Variants in LAMA2 observed in about 807,000 individuals in gnomAD.
LAMA2 encodes the protein laminin subunit alpha 2.
In LAMA2, 269 loss-of-function variants were observed where a neutral mutation model predicts 364.8. The ratio of observed to expected loss-of-function variants is 0.74; its 90% CI spans 0.67 to 0.82. The LOEUF (loss-of-function observed/expected upper bound fraction) is 0.82. LAMA2 is among the 40% of genes least tolerant of loss of function. The pLI is 0.00. For synonymous variants in LAMA2, 1,379 were observed against 1,370.6 expected (o/e 1.01, Z -0.14); for missense variants, 3,807 against 3,873.2 (o/e 0.98, Z 0.45).
chr6:129,345,041 G>A (rs1776467671), intron 30 of LAMA2, among the ~76,000 whole-genome samples: 1 of 152,152 alleles, frequency 6.6e-6, no homozygotes, highest in Admixed American at 6.5e-5. Flanking sequence ...TAGAAATGCT[G>A]GCTTGGCAGA....
intron 1 of LAMA2, among the ~76,000 whole-genome samples, chr6:128,922,508 TTTGA>T (rs1373403712): frequency 6.6e-6 from 1 of 151,404 alleles, no homozygotes; most frequent in South Asian, 2.1e-4. Context: ...AATGTCTTCT[TTTGA>T]GAAGTGTCTG....
rs3816665 is a variant in LAMA2, at chr6:129,250,185, G to A, written c.1856G>A (p.Arg619His). The A allele has an allele frequency of 0.16, 255,707 of 1,595,278 alleles. 27,206 individuals are homozygous for A. The highest frequency in any genetic ancestry group is 0.54 in the African/African-American group (39,965 of 74,144). The change falls in exon 13 of 65, where the codon CGT becomes CAT. Residue 619 changes from arginine (R) to histidine (H), a missense_variant. Physicochemically the swap from Arg to His is conservative, Grantham distance 29. Transcript: ENST00000421865. ...DLEEEEEDTE[R>H]VLQLMIILEG... ...GAAGAAGAGGAAGAAGATACAGAAC[G>A]TGTTCTCCAGCTTATGATTATCTTA...
chr6:129,473,173 A>G lies in LAMA2; in HGVS notation c.7301-41A>G, dbSNP rs776182977. On this transcript the variant is annotated intron_variant, in intron 51 of 64. Coordinates refer to ENST00000421865, the MANE Select transcript of LAMA2 (RefSeq NM_000426.4). ...TAATGATGATATAGATGTGGTTGAT[A>G]TTGCTCAAATAAAATGTTAAACTTT... 9.4e-6 allele frequency: 14 copies of G among 1,485,128 alleles called. No homozygotes were observed. The African/African-American group carries it at 9.7e-5, about 10-fold the overall frequency. 92.0% of individuals were successfully genotyped at this position (1,485,128 alleles called of 1,614,324 possible).
chr6:129,039,916 G>T (rs943968330), intron 1 of LAMA2, among the ~76,000 whole-genome samples: 2 of 152,182 alleles, frequency 1.3e-5, no homozygotes, highest in Non-Finnish European at 2.9e-5. Flanking sequence ...GGCTGGTACT[G>T]GTCTGCAGCC....
At chr6:128,901,620 G>T (rs1290893183) in intron 1 of LAMA2, among the ~76,000 whole-genome samples, 1 of 152,178 alleles carries the variant, frequency 6.6e-6, no homozygotes, top group Non-Finnish European at 1.5e-5. Flanking sequence ...AAGACCATCA[G>T]ATAGTATTTG....
chr6:129,130,902 C>G (rs1483746649), intron 4 of LAMA2, among the ~76,000 whole-genome samples: 1 of 152,180 alleles, frequency 6.6e-6, no homozygotes, highest in Non-Finnish European at 1.5e-5. Context: ...TGCCATCTCT[C>G]ATTGTGAGCC....
In LAMA2 at chr6:129,461,859, G is replaced by T. The variant is rs562179930; in HGVS notation, c.6992+1535G>T. Among the ~76,000 whole-genome samples the T allele has an allele frequency of 8.5e-5, 13 of 152,064 alleles. 1 individual carries two copies. Among genetic ancestry groups the T allele is most frequent in the Middle Eastern group, 3.4e-3 (1 of 294 alleles). On this transcript the variant is annotated intron_variant, in intron 49 of 64. Transcript: ENST00000421865. ...ATGAATACAGCCTAGTCCTAGCCAT[G>T]AAAAGACATCACCAGGAAGGGAGGA...
At chr6:129,062,713 T>C (rs1789011993) in intron 3 of LAMA2, among the ~76,000 whole-genome samples, 1 of 152,146 alleles carries the variant, frequency 6.6e-6, no homozygotes, top group African/African-American at 2.4e-5. Flanking sequence ...TAGGTAAATA[T>C]CACTAAATGT....
chr6:129,272,101 G>A (rs1787978791), intron 17 of LAMA2, among the ~76,000 whole-genome samples: 1 of 152,098 alleles, frequency 6.6e-6, no homozygotes, highest in African/African-American at 2.4e-5. Context: ...AATAAAAGCA[G>A]ACTACTATAT....
chr6:128,935,290 CCA>C (rs1171483417), intron 1 of LAMA2, among the ~76,000 whole-genome samples: 1 of 150,930 alleles, frequency 6.6e-6, no homozygotes, highest in East Asian at 2.0e-4. Flanking sequence ...TGTTCAACTC[CCA>C]CTTATGAGTG....
chr6:129,261,157 A>T (rs1011181701), intron 15 of LAMA2, among the ~76,000 whole-genome samples: 6 of 151,960 alleles, frequency 3.9e-5, no homozygotes, highest in Non-Finnish European at 8.8e-5. Flanking sequence ...TCATAATGTT[A>T]TCCAAAATTT....
intron 22 of LAMA2, among the ~76,000 whole-genome samples, chr6:129,311,336 C>T (rs1480214898): frequency 2.6e-5 from 4 of 151,882 alleles, no homozygotes; most frequent in African/African-American, 4.8e-5. Context: ...TTAGCCAGGA[C>T]GGTCTCAATC....
chr6:129,296,969 A>G (rs544051155), intron 20 of LAMA2, among the ~76,000 whole-genome samples: 158 of 152,314 alleles, frequency 1.0e-3, no homozygotes, highest in African/African-American at 3.5e-3. Context: ...ATGATTTGTT[A>G]TAGATAGATA....
intron 27 of LAMA2, among the ~76,000 whole-genome samples, chr6:129,318,681 C>A (rs970020971): frequency 2.6e-5 from 4 of 152,082 alleles, no homozygotes; most frequent in African/African-American, 7.2e-5. Flanking sequence ...ACTGTGTGTA[C>A]TTACAGGGAG....
chr6:129,165,375 ATTATC>A (rs1342666245), intron 8 of LAMA2, among the ~76,000 whole-genome samples, 196 bp from the exon 9 acceptor site: 7 of 152,112 alleles, frequency 4.6e-5, no homozygotes, highest in African/African-American at 1.7e-4. Context: ...TTATTATTCT[ATTATC>A]TTTACTTTTG....
At chr6:129,403,149 T>G (rs1265944624) in intron 39 of LAMA2, among the ~76,000 whole-genome samples, 1 of 152,224 alleles carries the variant, frequency 6.6e-6, no homozygotes, top group Non-Finnish European at 1.5e-5. Context: ...CCAAGAATAA[T>G]TTGCCCAGAT....
chr6:129,419,159 A>G (rs1180888752), intron 40 of LAMA2, among the ~76,000 whole-genome samples: 2 of 152,082 alleles, frequency 1.3e-5, no homozygotes, highest in African/African-American at 4.8e-5. Flanking sequence ...AGATGTATTT[A>G]AAAGTTCAGG....
intron 1 of LAMA2, among the ~76,000 whole-genome samples, chr6:128,890,076 T>G (rs868548624): frequency 2.0e-5 from 3 of 152,276 alleles, no homozygotes; most frequent in Middle Eastern, 3.4e-3. Flanking sequence ...CAATGTTAAG[T>G]ATGTCTCTGT....
At chr6:129,071,111 G>A (rs896653479) in intron 3 of LAMA2, among the ~76,000 whole-genome samples, 2 of 152,126 alleles carry the variant, frequency 1.3e-5, no homozygotes, top group Non-Finnish European at 2.9e-5. Flanking sequence ...ATAAATGTGG[G>A]ACTCACTGGA....
Sources: gnomAD v4.1 joint callset for allele counts (sites outside exome capture counted in the v4.1 genomes callset) on GRCh38, gnomAD v4.1.1 for gene constraint, MANE v1.5 for transcripts, NCBI Gene and HGNC (gene_info 2026-07-23, HGNC 2026-07-21) for gene names.